DCC: variants seen among roughly 807,000 people sequenced by gnomAD.
The protein encoded by DCC is DCC netrin 1 receptor.
DCC carries 58 observed loss-of-function variants against 172.5 expected under a neutral mutation model. That is an observed-to-expected ratio of 0.34 (90% CI 0.27 to 0.42). The LOEUF is 0.42. Among genes scored for constraint, DCC ranks in the 10% least tolerant of loss-of-function variants. DCC has a pLI of 1.00. For missense variants in DCC, 1,740 were observed against 1,791.0 expected (o/e 0.97, Z 0.51); for synonymous variants, 709 against 644.5 (o/e 1.10, Z -1.52).
intron 1 of DCC, among the ~76,000 whole-genome samples, chr18:52,383,944 G>A (rs966499305): frequency 6.6e-6 from 1 of 151,940 alleles, no homozygotes; most frequent in African/African-American, 2.4e-5. Context: ...CTGTCACTTA[G>A]CACTTCCTTT....
intron 2 of DCC, among the ~76,000 whole-genome samples, chr18:52,777,250 A>T (rs1201490056): frequency 1.3e-5 from 2 of 152,140 alleles, no homozygotes; most frequent in Non-Finnish European, 2.9e-5. Flanking sequence ...GTTTATTCTG[A>T]TAGTTGTGGA....
intron 1 of DCC, among the ~76,000 whole-genome samples, chr18:52,619,402 T>C (rs2034441225): frequency 6.6e-6 from 1 of 152,204 alleles, no homozygotes; most frequent in East Asian, 1.9e-4. Flanking sequence ...ACATGGCCAA[T>C]GTCAGAGCTC....
At chr18:53,500,478 C>T (rs2046083296) in intron 27 of DCC, among the ~76,000 whole-genome samples, 1 of 152,012 alleles carries the variant, frequency 6.6e-6, no homozygotes, top group South Asian at 2.1e-4. Context: ...TTCTGTTACT[C>T]AGACCTACAA....
At chr18:53,408,099 C>T (rs868034597) in intron 19 of DCC, among the ~76,000 whole-genome samples, 1 of 152,110 alleles carries the variant, frequency 6.6e-6, no homozygotes, top group African/African-American at 2.4e-5. Context: ...GTACAGATCC[C>T]ACATATCCAT....
intron 1 of DCC, among the ~76,000 whole-genome samples, chr18:52,522,202 C>A (rs979759412): frequency 6.6e-6 from 1 of 152,190 alleles, no homozygotes; most frequent in Non-Finnish European, 1.5e-5. Context: ...ATGGCAGTAT[C>A]TACCTGTACA....
intron 5 of DCC, among the ~76,000 whole-genome samples, chr18:52,970,735 C>G (rs1265602897): frequency 6.6e-6 from 1 of 152,056 alleles, no homozygotes; most frequent in East Asian, 1.9e-4. Flanking sequence ...CTTTGGTATG[C>G]CATAGACTAA....
At chr18:53,384,685 A>G (rs559445882) in intron 15 of DCC, among the ~76,000 whole-genome samples, 2 of 151,908 alleles carry the variant, frequency 1.3e-5, no homozygotes, top group African/African-American at 4.8e-5. Flanking sequence ...CATTTTCTTA[A>G]TGTAGTTTAG....
At chr18:52,885,986 G>T (rs984270847) in intron 2 of DCC, among the ~76,000 whole-genome samples, 1 of 151,686 alleles carries the variant, frequency 6.6e-6, no homozygotes, top group Non-Finnish European at 1.5e-5. Flanking sequence ...TTACAACTCT[G>T]CCCAGTGCCC....
rs145581995 is a variant in DCC at position 53,126,075 on chromosome 18, A to C, written c.1262-31281A>C. On this transcript the variant is annotated intron_variant, in intron 7 of 28. Coordinates refer to ENST00000442544, the MANE Select transcript of DCC (RefSeq NM_005215.4). ...TTTCTTCAGAGGAAGAGATATTTTA[A>C]AGAGACATGAGAGAAATTCCAGCTA... Among the ~76,000 whole-genome samples, 107 of 152,198 alleles carry C rather than the reference A, an allele frequency of 7.0e-4. 1 individual carries two copies. The highest frequency in any genetic ancestry group is 2.6e-3 in the African/African-American group (106 of 41,556).
intron 7 of DCC, among the ~76,000 whole-genome samples, chr18:53,080,777 A>C (rs938787793): frequency 6.6e-6 from 1 of 152,084 alleles, no homozygotes; most frequent in African/African-American, 2.4e-5. Flanking sequence ...TTGAATTGAA[A>C]AGGAGCTTTT....
chr18:52,717,058 C>T (rs1256318326), intron 1 of DCC, among the ~76,000 whole-genome samples: 1 of 152,120 alleles, frequency 6.6e-6, no homozygotes, highest in African/African-American at 2.4e-5. Context: ...AAGTATCAGA[C>T]CACATGAATG....
chr18:52,677,854 A>G (rs899580532), intron 1 of DCC, among the ~76,000 whole-genome samples: 2 of 152,204 alleles, frequency 1.3e-5, no homozygotes, highest in Non-Finnish European at 2.9e-5. Flanking sequence ...AAGTATATTA[A>G]TACTTTTTCT....
intron 26 of DCC, among the ~76,000 whole-genome samples, chr18:53,498,794 T>C (rs1363628830): frequency 6.6e-6 from 1 of 152,160 alleles, no homozygotes; most frequent in Non-Finnish European, 1.5e-5. Context: ...AAGATAATGA[T>C]AGTGGTTATT....
chr18:52,537,377 T>C (rs1397605090), intron 1 of DCC, among the ~76,000 whole-genome samples: 2 of 152,216 alleles, frequency 1.3e-5, no homozygotes, highest in Non-Finnish European at 2.9e-5. Context: ...GTTCTAAAAT[T>C]AGGCTGTTGT....
At chr18:53,175,766 A>C (rs1183959480) in intron 8 of DCC, among the ~76,000 whole-genome samples, 1 of 152,048 alleles carries the variant, frequency 6.6e-6, no homozygotes, top group African/African-American at 2.4e-5. Context: ...GGTAATTTAC[A>C]GATTCAATGC....
intron 27 of DCC, among the ~76,000 whole-genome samples, chr18:53,501,834 T>A (rs540438217): frequency 2.0e-5 from 3 of 152,242 alleles, no homozygotes; most frequent in Admixed American, 2.0e-4. Context: ...CAATTTTTTT[T>A]AAAGAAGATT....
At chr18:52,547,836 ATAT>A (rs2032659737) in intron 1 of DCC, among the ~76,000 whole-genome samples, 1 of 152,142 alleles carries the variant, frequency 6.6e-6, no homozygotes, top group Non-Finnish European at 1.5e-5. Flanking sequence ...AGGATAGTAA[ATAT>A]TATAGACTCT....
At chr18:52,957,345 T>C (rs2040761719) in intron 5 of DCC, among the ~76,000 whole-genome samples, 1 of 145,610 alleles carries the variant, frequency 6.9e-6, no homozygotes, top group Non-Finnish European at 1.6e-5. Flanking sequence ...TAAATAATTA[T>C]AATATAAGGG....
At chr18:52,514,148 T>A (rs949018905) in intron 1 of DCC, among the ~76,000 whole-genome samples, 4 of 152,164 alleles carry the variant, frequency 2.6e-5, no homozygotes, top group African/African-American at 9.7e-5. Flanking sequence ...TCTGTATATA[T>A]GTGTATATAT....
Sources: gnomAD v4.1 joint callset for allele counts (sites outside exome capture counted in the v4.1 genomes callset) on GRCh38, gnomAD v4.1.1 for gene constraint, MANE v1.5 for transcripts, NCBI Gene and HGNC (gene_info 2026-07-23, HGNC 2026-07-21) for gene names.